Variants in SAMD5 observed in about 807,000 individuals in gnomAD.
SAMD5 encodes the protein sterile alpha motif domain-containing protein 5.
SAMD5 carries 13 observed loss-of-function variants against 11.3 expected under a neutral mutation model. That is an observed-to-expected ratio of 1.15 (90% CI 0.75 to 1.83). The LOEUF (loss-of-function observed/expected upper bound fraction) is 1.83, where lower values mean the gene tolerates loss of function less well. Among genes scored for constraint, SAMD5 ranks in the 40% most tolerant of loss-of-function variants. The pLI, the probability that SAMD5 is intolerant of heterozygous loss-of-function variation, is 0.00. For synonymous variants in SAMD5, 129 were observed against 111.3 expected (o/e 1.16, Z -1.00); for missense variants, 255 against 239.1 (o/e 1.07, Z -0.44).
At chr6:147,782,425 C>A in the SAMD5 span, among the ~76,000 whole-genome samples, 1 of 152,156 alleles carries the variant, frequency 6.6e-6, no homozygotes, top group Non-Finnish European at 1.5e-5. Flanking sequence ...TATGAACATG[C>A]CATCCAAGTT....
chr6:147,819,469 C>A, the SAMD5 span, among the ~76,000 whole-genome samples: 61 of 152,304 alleles, frequency 4.0e-4, 1 homozygote, highest in African/African-American at 1.2e-3. Flanking sequence ...CAACAAAAAT[C>A]AGATTAATTT....
intron 1 of SAMD5, among the ~76,000 whole-genome samples, chr6:147,551,362 G>A (rs1037234661): frequency 6.6e-6 from 1 of 152,278 alleles, no homozygotes. Context: ...CTACTTTGTG[G>A]GGTGAAGGAG....
In SAMD5 at chr6:147,566,758, A is replaced by G; in HGVS notation, c.*2302A>G. ...ACATCTTAGTTAAAGCTAGAGGAAG[A>G]AAACTTCAAATAAGCAAAGAAGTAT... On this transcript the variant is annotated 3_prime_UTR_variant, in exon 2 of 2. Coordinates refer to ENST00000367474, the MANE Select transcript of SAMD5 (RefSeq NM_001030060.3). The G allele has an allele frequency of 1.0e-6, 1 of 985,184 alleles. No homozygotes were observed. The highest frequency in any genetic ancestry group is 1.2e-6 in the Non-Finnish European group (1 of 829,700). The allele number at this position is 985,184 out of a possible 1,614,324, so 61.0% of individuals were successfully genotyped here. A position where few individuals can be genotyped will look rare whatever the true frequency, so the allele number is the denominator to read the frequency against.
At chr6:147,806,892 G>T in the SAMD5 span, among the ~76,000 whole-genome samples, 6 of 152,204 alleles carry the variant, frequency 3.9e-5, no homozygotes, top group African/African-American at 1.4e-4. Context: ...TAGTGGCCTT[G>T]TAAGAGACAT....
chr6:147,512,828 A>C (rs757079718), intron 1 of SAMD5, among the ~76,000 whole-genome samples: 16 of 152,112 alleles, frequency 1.1e-4, no homozygotes, highest in Admixed American at 3.3e-4. Flanking sequence ...CTAGTAGGGA[A>C]GACTTAAAAT....
chr6:147,655,458 T>A (rs1280668694), intron 1 of SAMD5, among the ~76,000 whole-genome samples: 1 of 152,222 alleles, frequency 6.6e-6, no homozygotes, highest in Non-Finnish European at 1.5e-5. Flanking sequence ...GCCCTAGTTT[T>A]TTTTATAATA....
the SAMD5 span, among the ~76,000 whole-genome samples, chr6:147,905,625 A>T: frequency 6.6e-6 from 1 of 152,360 alleles, no homozygotes; most frequent in East Asian, 1.9e-4. Context: ...TACTGATCAT[A>T]TATAAAATCG....
the SAMD5 span, among the ~76,000 whole-genome samples, chr6:147,938,909 C>T: frequency 6.7e-6 from 1 of 148,682 alleles, no homozygotes; most frequent in African/African-American, 2.5e-5. Flanking sequence ...TAATTCAGTT[C>T]TCACATGAAC....
rs998976175 is a variant in SAMD5, at chr6:147,568,251, T to G, written c.*3795T>G. 3.2e-5 allele frequency: 32 copies of G among 985,288 alleles called. No individual in the cohort carries two copies. The highest frequency in any genetic ancestry group is 6.2e-5 in the Admixed American group (1 of 16,260). 61.0% of individuals were successfully genotyped at this position (985,288 alleles called of 1,614,324 possible). A position where few individuals can be genotyped will look rare whatever the true frequency, so the allele number is the denominator to read the frequency against. The stretch of plus-strand genomic sequence containing the variant: ...AAGAAAAACCAGATATACCAGGGAC[T>G]GGAAAGCACCTGCTTGAAAATTGAT... On this transcript the variant is annotated 3_prime_UTR_variant, in exon 2 of 2. Transcript: ENST00000367474.
chr6:147,932,624 GT>G, the SAMD5 span, among the ~76,000 whole-genome samples: 4 of 140,504 alleles, frequency 2.8e-5, no homozygotes, highest in Non-Finnish European at 6.2e-5. Context: ...GTGTGTGTGT[GT>G]GTGTGTGTGT....
the SAMD5 span, among the ~76,000 whole-genome samples, chr6:147,924,188 A>G: frequency 2.0e-5 from 3 of 152,148 alleles, no homozygotes; most frequent in Non-Finnish European, 4.4e-5. Context: ...ACTCAGCCTT[A>G]TGCTGAGAGG....
chr6:147,672,616 T>C (rs954758419), intron 1 of SAMD5, among the ~76,000 whole-genome samples: 3 of 152,100 alleles, frequency 2.0e-5, no homozygotes, highest in Non-Finnish European at 2.9e-5. Flanking sequence ...CTAAAAGGCT[T>C]ATATTGAAGA....
chr6:147,622,491 C>A (rs1424720871), intron 1 of SAMD5, among the ~76,000 whole-genome samples: 1 of 152,184 alleles, frequency 6.6e-6, no homozygotes, highest in Non-Finnish European at 1.5e-5. Context: ...GTATCTTGAA[C>A]TGACTTACAC....
At chr6:147,635,397 CACCAGTTTTACAT>C (rs1457438652) in intron 1 of SAMD5, among the ~76,000 whole-genome samples, 1 of 152,200 alleles carries the variant, frequency 6.6e-6, no homozygotes, top group Non-Finnish European at 1.5e-5. Flanking sequence ...CTATTAATAT[CACCAGTTTTACAT>C]ATGAGAAAAA....
chr6:147,949,332 C>A, the SAMD5 span, among the ~76,000 whole-genome samples: 1 of 152,088 alleles, frequency 6.6e-6, no homozygotes, highest in African/African-American at 2.4e-5. Context: ...TAACTCAGAC[C>A]GCAGTAATAT....
At chr6:147,660,922 G>T (rs1790640277) in intron 1 of SAMD5, 1 of 152,220 alleles carries the variant, frequency 6.6e-6, no homozygotes, top group African/African-American at 2.4e-5. Context: ...GGGAAGTCAG[G>T]CACAGGTTTC....
intron 1 of SAMD5, among the ~76,000 whole-genome samples, chr6:147,716,438 G>A (rs1235406107): frequency 1.3e-5 from 2 of 152,252 alleles, no homozygotes; most frequent in African/African-American, 4.8e-5. Context: ...AGAGATGCCT[G>A]GGTCCACAGC....
chr6:147,631,516 C>CAAGA (rs1790151788), intron 1 of SAMD5, among the ~76,000 whole-genome samples: 1 of 151,956 alleles, frequency 6.6e-6, no homozygotes, highest in African/African-American at 2.4e-5. Context: ...CACTGAATAC[C>CAAGA]AAGAGCCTGA....
chr6:147,792,446 A>G, the SAMD5 span, among the ~76,000 whole-genome samples: 1 of 152,148 alleles, frequency 6.6e-6, no homozygotes, highest in Admixed American at 6.6e-5. Flanking sequence ...TTGTTTGTGA[A>G]CTAATGTTTA....
Sources: gnomAD v4.1 joint callset for allele counts (sites outside exome capture counted in the v4.1 genomes callset) on GRCh38, gnomAD v4.1.1 for gene constraint, MANE v1.5 for transcripts, NCBI Gene and HGNC (gene_info 2026-07-23, HGNC 2026-07-21) for gene names.